Variants in NAALADL2 observed in about 807,000 individuals in gnomAD.
NAALADL2 encodes inactive N-acetylated-alpha-linked acidic dipeptidase-like protein 2.
In NAALADL2, 76 loss-of-function variants were observed where a neutral mutation model predicts 87.2. The ratio of observed to expected loss-of-function variants is 0.87; its 90% CI spans 0.72 to 1.05. NAALADL2 has a LOEUF of 1.05. Among genes scored for constraint, NAALADL2 ranks in the 50% least tolerant of loss-of-function variants. The pLI is 0.00. For missense variants in NAALADL2, 1,089 were observed against 945.8 expected (o/e 1.15, Z -1.99); for synonymous variants, 354 against 331.0 (o/e 1.07, Z -0.75).
At chr3:174,558,090 A>G (rs9815826) in intron 2 of NAALADL2, among the ~76,000 whole-genome samples, 7,189 of 152,198 alleles carry the variant, frequency 0.047, 586 homozygotes, top group African/African-American at 0.16. Flanking sequence ...TGTTTATGCA[A>G]TCAGTTTAGG....
chr3:175,131,170 TA>T (rs375069836), intron 2 of NAALADL2, among the ~76,000 whole-genome samples: 23,062 of 145,378 alleles, frequency 0.16, 1,991 homozygotes, highest in African/African-American at 0.23. Context: ...TTTTTTTTTT[TA>T]ATTGTTCATT....
chr3:175,024,901 G>A (rs955606558), intron 1 of NAALADL2, among the ~76,000 whole-genome samples: 2 of 151,830 alleles, frequency 1.3e-5, no homozygotes, highest in Non-Finnish European at 2.9e-5. Context: ...GTCTGAGACT[G>A]GTATCGCCAC....
intron 9 of NAALADL2, among the ~76,000 whole-genome samples, chr3:175,556,876 A>G (rs1715363185): frequency 1.3e-5 from 2 of 152,186 alleles, no homozygotes; most frequent in African/African-American, 2.4e-5. Flanking sequence ...TCTTAGAAAC[A>G]GTTCAGGAAA....
chr3:175,660,724 T>C (rs189096611), intron 11 of NAALADL2, among the ~76,000 whole-genome samples: 3 of 152,158 alleles, frequency 2.0e-5, no homozygotes, highest in African/African-American at 7.2e-5. Flanking sequence ...AGACTCACCT[T>C]TATAGCTCCC....
chr3:174,467,906 C>G (rs1394413424), intron 1 of NAALADL2, among the ~76,000 whole-genome samples: 1 of 151,746 alleles, frequency 6.6e-6, no homozygotes, highest in African/African-American at 2.4e-5. Flanking sequence ...AGGAATAATG[C>G]TCTAAACTCC....
chr3:175,219,717 A>G (rs1334150812), intron 2 of NAALADL2, among the ~76,000 whole-genome samples: 1 of 151,894 alleles, frequency 6.6e-6, no homozygotes, highest in African/African-American at 2.4e-5. Flanking sequence ...GCTTTGTTCT[A>G]CTTGTCTGTT....
chr3:175,478,804 G>T (rs1051955311), intron 9 of NAALADL2, among the ~76,000 whole-genome samples: 7 of 151,750 alleles, frequency 4.6e-5, no homozygotes, highest in Non-Finnish European at 8.8e-5. Flanking sequence ...ATAAAATTCT[G>T]TAACAGTATC....
intron 3 of NAALADL2, among the ~76,000 whole-genome samples, chr3:174,850,797 A>G (rs1054675387): frequency 6.6e-5 from 10 of 152,146 alleles, no homozygotes; most frequent in Admixed American, 5.2e-4. Flanking sequence ...TATCCAACAA[A>G]TGCAGAATGC....
In NAALADL2 at chr3:174,950,975, G is replaced by C. The variant is rs545803529; in HGVS notation, c.43+91525G>C. Reference sequence around the variant, plus strand: ...TTGTCTCTTTAGATAAAGGATGGAAGGACAGAGAAAAAGATAAAGGACAGA... The same window carrying C: ...TTGTCTCTTTAGATAAAGGATGGAACGACAGAGAAAAAGATAAAGGACAGA... On this transcript the variant is annotated intron_variant, in intron 1 of 13. Transcript: ENST00000454872. Among the ~76,000 whole-genome samples, 9 of 151,968 alleles carry C rather than the reference G, an allele frequency of 5.9e-5. No individual in the cohort carries two copies. In the East Asian group the frequency reaches 1.7e-3, roughly 29 times the overall value.
intron 2 of NAALADL2, among the ~76,000 whole-genome samples, chr3:174,657,208 A>G (rs1725042732): frequency 1.3e-5 from 2 of 151,624 alleles, no homozygotes; most frequent in South Asian, 4.1e-4. Flanking sequence ...TTGTTTTTGT[A>G]GAGAGGAGGG....
chr3:175,576,631 T>C (rs921477726), intron 10 of NAALADL2, among the ~76,000 whole-genome samples: 2 of 152,212 alleles, frequency 1.3e-5, no homozygotes, highest in Admixed American at 6.5e-5. Flanking sequence ...TTAAAAAAGA[T>C]AGTACTTTTT....
chr3:174,596,916 C>T (rs558477308), intron 2 of NAALADL2, among the ~76,000 whole-genome samples: 1 of 152,242 alleles, frequency 6.6e-6, no homozygotes, highest in South Asian at 2.1e-4. Context: ...GACTTGAATG[C>T]GCCTGATTTT....
intron 3 of NAALADL2, among the ~76,000 whole-genome samples, chr3:174,808,923 C>A (rs1027104008): frequency 6.6e-6 from 1 of 151,848 alleles, no homozygotes; most frequent in African/African-American, 2.4e-5. Flanking sequence ...ACTTTGAAAT[C>A]TTCAGCTTGA....
At chr3:175,232,436 T>C (rs1032904247) in intron 2 of NAALADL2, among the ~76,000 whole-genome samples, 3 of 152,178 alleles carry the variant, frequency 2.0e-5, no homozygotes, top group Admixed American at 6.5e-5. Context: ...CTGCTTCTTA[T>C]GTCTTTTCCA....
At chr3:175,269,521 G>T (rs546666776) in intron 4 of NAALADL2, among the ~76,000 whole-genome samples, 33 of 152,282 alleles carry the variant, frequency 2.2e-4, no homozygotes, top group African/African-American at 7.7e-4. Context: ...CCGCTGTTGT[G>T]TACGGGATCA....
intron 11 of NAALADL2, among the ~76,000 whole-genome samples, chr3:175,633,191 A>AT (rs1728046167): frequency 6.6e-6 from 1 of 152,090 alleles, no homozygotes; most frequent in Non-Finnish European, 1.5e-5. Flanking sequence ...TTTTGAACCA[A>AT]TTTTTTGGAA....
intron 2 of NAALADL2, among the ~76,000 whole-genome samples, chr3:175,162,465 A>G (rs998464795): frequency 3.3e-5 from 5 of 152,170 alleles, no homozygotes; most frequent in African/African-American, 4.8e-5. Context: ...AGATGGAGGT[A>G]TCATTTGCCA....
intron 11 of NAALADL2, among the ~76,000 whole-genome samples, chr3:175,697,874 CAT>C (rs1305542307): frequency 4.3e-5 from 4 of 93,714 alleles, no homozygotes; most frequent in East Asian, 5.6e-4. Flanking sequence ...TGTATGTATA[CAT>C]ATATATGTGT....
At chr3:174,946,043 CAAAAAA>C (rs57964168) in intron 1 of NAALADL2, among the ~76,000 whole-genome samples, 3 of 50,266 alleles carry the variant, frequency 6.0e-5, no homozygotes, top group Non-Finnish European at 1.2e-4. Context: ...GACTCTGCCT[CAAAAAA>C]AAAAAAAAAA....
Sources: allele counts gnomAD v4.1 joint callset (sites outside exome capture counted in the v4.1 genomes callset), GRCh38; gene constraint gnomAD v4.1.1; transcripts MANE v1.5; gene names NCBI Gene and HGNC (gene_info 2026-07-23, HGNC 2026-07-21).